Variants in ARHGAP25 observed in about 807,000 individuals in gnomAD.
ARHGAP25 encodes the protein rho GTPase-activating protein 25.
A neutral mutation model predicts 71.0 loss-of-function variants in ARHGAP25; 34 were observed. That is an observed-to-expected ratio of 0.48 (90% CI 0.36 to 0.64). The LOEUF (loss-of-function observed/expected upper bound fraction) is 0.64. Ranked by LOEUF, ARHGAP25 falls within the 30% of genes least tolerant of loss-of-function variation. The probability of loss-of-function intolerance (pLI) is 0.00; values close to 1 mark genes in which losing one functional copy is unlikely to be tolerated. For synonymous variants in ARHGAP25, 282 were observed against 296.5 expected (o/e 0.95, Z 0.50); for missense variants, 706 against 805.1 (o/e 0.88, Z 1.49).
chr2:68,778,600 G>A (rs888762541), intron 2 of ARHGAP25, among the ~76,000 whole-genome samples: 2 of 152,152 alleles, frequency 1.3e-5, no homozygotes, highest in Admixed American at 6.5e-5. Context: ...TCAGGCGTAA[G>A]GGCCCTCACA....
chr2:68,764,226 G>A (rs753245779), intron 1 of ARHGAP25, among the ~76,000 whole-genome samples: 1 of 152,142 alleles, frequency 6.6e-6, no homozygotes, highest in African/African-American at 2.4e-5. Flanking sequence ...AAGTAGTATT[G>A]CGCTGTTTGG....
intron 2 of ARHGAP25, among the ~76,000 whole-genome samples, chr2:68,711,671 C>A (rs1178414571): frequency 7.3e-6 from 1 of 136,462 alleles, no homozygotes; most frequent in Non-Finnish European, 1.6e-5. Flanking sequence ...CCTCCCCCAG[C>A]CACCCACCCC....
In ARHGAP25 at chr2:68,816,379, A is replaced by T. The variant is rs1419039156; in HGVS notation, c.881+17A>T. 6.3e-7 allele frequency: 1 copy of T among 1,597,836 alleles called. No homozygotes were observed. Among genetic ancestry groups the T allele is most frequent in the Admixed American group, 1.7e-5 (1 of 59,980 alleles). The stretch of plus-strand genomic sequence containing the variant: ...CATCTGCAGGTGAGAGGCCCCTGGT[A>T]TCAACTCTGCAGTTTTCAACCCCAT... On this transcript the variant is annotated intron_variant, in intron 7 of 10. Coordinates refer to ENST00000409202, the MANE Select transcript of ARHGAP25 (RefSeq NM_001007231.3).
At chr2:68,822,965 A>G (rs1405520819) in intron 10 of ARHGAP25, 93 bp downstream of exon 10, 2 of 1,341,670 alleles carry the variant, frequency 1.5e-6, no homozygotes, top group African/African-American at 1.5e-5. Flanking sequence ...TCACATCATA[A>G]AGCTTCAATT....
At chr2:68,772,318 G>A (rs1013748140) in intron 1 of ARHGAP25, among the ~76,000 whole-genome samples, 1 of 152,228 alleles carries the variant, frequency 6.6e-6, no homozygotes, top group African/African-American at 2.4e-5. Context: ...CCACCATGTG[G>A]CACTTCCCCT....
chr2:68,806,911 G>A (rs118158468), intron 4 of ARHGAP25, among the ~76,000 whole-genome samples: 1 of 152,288 alleles, frequency 6.6e-6, no homozygotes, highest in East Asian at 1.9e-4. Context: ...TTTGGCAAGT[G>A]TCTAAGGCTC....
chr2:68,718,146 T>TAAA (rs4071640), intron 2 of ARHGAP25, among the ~76,000 whole-genome samples: 3 of 144,772 alleles, frequency 2.1e-5, no homozygotes, highest in South Asian at 2.2e-4. Context: ...GCAGATTTGT[T>TAAA]AAAAAAAAAA....
At chr2:68,738,806 G>A (rs1408992083) in intron 1 of ARHGAP25, among the ~76,000 whole-genome samples, 1 of 146,336 alleles carries the variant, frequency 6.8e-6, no homozygotes, top group Non-Finnish European at 1.5e-5. Context: ...GGGCGACAGA[G>A]CAAGACTCTG....
In ARHGAP25 at chr2:68,743,823, A is replaced by T. The variant is rs571070535; in HGVS notation, c.61+8563A>T. On this transcript the variant is annotated intron_variant, in intron 1 of 10. Transcript: ENST00000409202. ...CTGGGACTCAGGGGGCTCGTGGGACATGGAACTCAGTGTGAAAACCAGGAA... is the reference window on the plus strand; with the variant it reads ...CTGGGACTCAGGGGGCTCGTGGGACTTGGAACTCAGTGTGAAAACCAGGAA... Among the ~76,000 whole-genome samples, 205 of 152,238 alleles carry T rather than the reference A, an allele frequency of 1.3e-3. 2 individuals are homozygous for T. Among genetic ancestry groups the T allele is most frequent in the Non-Finnish European group, 2.4e-3 (161 of 68,032 alleles).
intron 10 of ARHGAP25, among the ~76,000 whole-genome samples, chr2:68,824,499 T>G (rs1420718507): frequency 6.6e-6 from 1 of 152,198 alleles, no homozygotes; most frequent in African/African-American, 2.4e-5. Context: ...TCCCAGCACT[T>G]TGGGAGGCCA....
intron 1 of ARHGAP25, among the ~76,000 whole-genome samples, chr2:68,759,138 C>T (rs923049986): frequency 8.0e-5 from 12 of 150,800 alleles, no homozygotes; most frequent in Admixed American, 6.6e-5. Context: ...AAGAAAGATC[C>T]CAAATCAACA....
chr2:68,748,005 TA>T (rs1361547430), intron 1 of ARHGAP25, among the ~76,000 whole-genome samples: 1 of 152,184 alleles, frequency 6.6e-6, no homozygotes, highest in African/African-American at 2.4e-5. Context: ...CGACATCTTT[TA>T]AAAGTGGAAA....
In ARHGAP25 at chr2:68,826,026, G is replaced by A. The variant is rs750174156; in HGVS notation, c.1773G>A (p.Val591=). 1 of 1,614,008 alleles carries A rather than the reference G, an allele frequency of 6.2e-7. No individual in the cohort carries two copies. Among genetic ancestry groups the A allele is most frequent in the East Asian group, 2.2e-5 (1 of 44,878 alleles). Residue 591 remains valine, a synonymous_variant, in exon 11 of 11, where the codon GTG becomes GTA. Coordinates refer to ENST00000409202, the MANE Select transcript of ARHGAP25 (RefSeq NM_001007231.3). ...ATTATGACGTTTGGGCTAAAGTGGT[G>A]AGGCTCAATGAAGAACTGGAGAAGG... The part of the protein sequence containing the change: ...KENYDVWAKV[V]RLNEELEKEK...
chr2:68,728,486 C>G (rs1267104147), intron 2 of ARHGAP25, among the ~76,000 whole-genome samples: 1 of 151,926 alleles, frequency 6.6e-6, no homozygotes, highest in African/African-American at 2.4e-5. Flanking sequence ...CTGCTATGCC[C>G]ATACCCAAGA....
intron 9 of ARHGAP25, among the ~76,000 whole-genome samples, chr2:68,821,762 A>AT (rs1681686060): frequency 6.6e-6 from 1 of 151,934 alleles, no homozygotes; most frequent in Non-Finnish European, 1.5e-5. Context: ...GACTAGTTTC[A>AT]TTTTTTCCTC....
upstream of ARHGAP25, among the ~76,000 whole-genome samples, chr2:68,734,022 A>G (rs1675096009): frequency 6.6e-6 from 1 of 152,218 alleles, no homozygotes; most frequent in African/African-American, 2.4e-5. Context: ...CCAGGGCCCA[A>G]ATGCTTAAGC....
At chr2:68,786,191 G>T (rs1678750298) in intron 3 of ARHGAP25, among the ~76,000 whole-genome samples, 1 of 152,174 alleles carries the variant, frequency 6.6e-6, no homozygotes, top group South Asian at 2.1e-4. Flanking sequence ...GTGTTTCCCA[G>T]TGGGGTTGCT....
At chr2:68,801,039 G>C (rs1679924538) in intron 4 of ARHGAP25, among the ~76,000 whole-genome samples, 1 of 152,040 alleles carries the variant, frequency 6.6e-6, no homozygotes, top group Admixed American at 6.6e-5. Context: ...TGGAGTTCCA[G>C]GGATGTTTCT....
intron 1 of ARHGAP25, among the ~76,000 whole-genome samples, chr2:68,743,869 G>A (rs1050190605): frequency 2.6e-5 from 4 of 152,192 alleles, no homozygotes; most frequent in Admixed American, 1.3e-4. Context: ...GAATCAGGTC[G>A]CTAGGCCCAG....
Sources: allele counts gnomAD v4.1 joint callset (sites outside exome capture counted in the v4.1 genomes callset), GRCh38; gene constraint gnomAD v4.1.1; transcripts MANE v1.5; gene names NCBI Gene and HGNC (gene_info 2026-07-23, HGNC 2026-07-21).